AGL: variants seen among roughly 807,000 people sequenced by gnomAD.
AGL encodes the protein amylo-alpha-1,6-glucosidase and 4-alpha-glucanotransferase.
In AGL, 128 loss-of-function variants were observed where a neutral mutation model predicts 199.3. The observed-to-expected ratio is 0.64, with a 90% CI of 0.56 to 0.74. The LOEUF is 0.74. AGL is among the 30% of genes least tolerant of loss of function. The probability of loss-of-function intolerance (pLI) is 0.00; values close to 1 mark genes in which losing one functional copy is unlikely to be tolerated. For synonymous variants in AGL, 584 were observed against 594.7 expected, an observed-to-expected ratio of 0.98 and a Z score of 0.26; for missense variants, 1,809 against 1,820.8, an observed-to-expected ratio of 0.99 and a Z score of 0.12.
At chr1:99,908,549 C>G (rs1410665421) in intron 27 of AGL, among the ~76,000 whole-genome samples, 1 of 152,196 alleles carries the variant, frequency 6.6e-6, no homozygotes, top group Non-Finnish European at 1.5e-5. Flanking sequence ...TACAAAGCAT[C>G]ATTCTCTTTG....
chr1:99,906,718 T>C (rs1293426962), intron 27 of AGL, among the ~76,000 whole-genome samples: 1 of 152,220 alleles, frequency 6.6e-6, no homozygotes, highest in Non-Finnish European at 1.5e-5. Flanking sequence ...ATTCCCTTCT[T>C]TTTCAAGGCT....
chr1:99,913,062 A>G (rs1177938169), intron 29 of AGL, among the ~76,000 whole-genome samples: 1 of 152,102 alleles, frequency 6.6e-6, no homozygotes, highest in Non-Finnish European at 1.5e-5. Context: ...TCTACAAGAA[A>G]TACAAAAATT....
chr1:99,899,267 T>C (rs1284714067), intron 25 of AGL, among the ~76,000 whole-genome samples: 2 of 152,198 alleles, frequency 1.3e-5, no homozygotes, highest in African/African-American at 4.8e-5. Context: ...CAAAAAGCAG[T>C]AAGACCTAGA....
At chr1:99,889,170 A>G (rs1051939019) in intron 21 of AGL, among the ~76,000 whole-genome samples, 1 of 152,226 alleles carries the variant, frequency 6.6e-6, no homozygotes, top group Admixed American at 6.5e-5. Flanking sequence ...ATTAGACGAC[A>G]CCTAATTCAT....
In AGL at chr1:99,876,547, A is replaced by G; in HGVS notation, c.1373A>G (p.His458Arg). The change falls in exon 11 of 34, where the codon CAC becomes CGC. Residue 458 changes from histidine to arginine, a missense_variant. His to Arg is a conservative substitution (Grantham distance 29). Transcript: ENST00000361915. The part of the protein sequence containing the change: ...LPNKACFLMA[H>R]NGWVMGDDPL... ...AATAAAGCTTGTTTTCTGATGGCAC[A>G]CAATGGATGGGTAATGGGAGATGAT... 1 of 1,614,088 alleles carries G rather than the reference A, an allele frequency of 6.2e-7. No individual in the cohort carries two copies. Among genetic ancestry groups the G allele is most frequent in the South Asian group, 1.1e-5 (1 of 91,086 alleles).
At chr1:99,898,527 T>C (rs1365565267) in intron 25 of AGL, among the ~76,000 whole-genome samples, 1 of 152,130 alleles carries the variant, frequency 6.6e-6, no homozygotes, top group African/African-American at 2.4e-5. Context: ...AGAGGGTATT[T>C]GTTAGGGTAG....
In AGL at chr1:99,875,169, A is replaced by C. The variant is rs1651406231; in HGVS notation, c.1098A>C (p.Ala366=). Residue 366 remains alanine (A), a synonymous_variant, in exon 9 of 34, where the codon GCA becomes GCC. Coordinates refer to ENST00000361915, the MANE Select transcript of AGL (RefSeq NM_000642.3). ...TCTGCTCTAGCAAGGGGCCAGCAGC[A>C]ATTGAAGAATGCTGTAATTGGTTTC... ...TFIPHDKGPA[A]IEECCNWFHK... 1 of 1,613,964 alleles carries C rather than the reference A, an allele frequency of 6.2e-7. No homozygotes were observed. The highest frequency in any genetic ancestry group is 1.1e-5 in the South Asian group (1 of 91,080).
chr1:99,898,201 C>T (rs1653492667), intron 25 of AGL, among the ~76,000 whole-genome samples: 1 of 152,098 alleles, frequency 6.6e-6, no homozygotes, highest in Non-Finnish European at 1.5e-5. Flanking sequence ...CGCCCGCCAC[C>T]ACACCCGGCT....
intron 33 of AGL, among the ~76,000 whole-genome samples, chr1:99,920,975 G>A (rs1367415917): frequency 6.6e-6 from 1 of 152,086 alleles, no homozygotes; most frequent in African/African-American, 2.4e-5. Context: ...CTTCCTTACA[G>A]GGTTACTGTG....
rs941031901 is a variant in AGL, at chr1:99,900,955, T to G, written c.3588+94T>G. On this transcript the variant is annotated intron_variant, in intron 26 of 33. Coordinates refer to ENST00000361915, the MANE Select transcript of AGL (RefSeq NM_000642.3). ...ATGTAAAAATAAGGGTAATTAAGAA[T>G]CCAAATCTTACGAATTATTCAAATG... The G allele has an allele frequency of 2.2e-5, 25 of 1,149,294 alleles. No homozygotes were observed. In the Middle Eastern group the frequency reaches 1.2e-3, roughly 55 times the overall value. 71.2% of individuals were successfully genotyped at this position (1,149,294 alleles called of 1,614,324 possible).
intron 8 of AGL, among the ~76,000 whole-genome samples, 159 bp downstream of exon 8, chr1:99,874,969 T>G (rs1463130811): frequency 6.6e-6 from 1 of 152,226 alleles, no homozygotes; most frequent in Non-Finnish European, 1.5e-5. Context: ...TTCCCACTTT[T>G]TCTGTGTGTG....
In AGL at chr1:99,876,561, A is replaced by T. The variant is rs1557759698; in HGVS notation, c.1387A>T (p.Met463Leu). 1 of 1,614,064 alleles carries T rather than the reference A, an allele frequency of 6.2e-7. No individual in the cohort carries two copies. Among genetic ancestry groups the T allele is most frequent in the Non-Finnish European group, 8.5e-7 (1 of 1,179,972 alleles). ...TCTGATGGCACACAATGGATGGGTA[A>T]TGGGAGATGATCCTCTTCGAAACTT... The part of the protein sequence containing the change: ...CFLMAHNGWV[M>L]GDDPLRNFAE... Residue 463 changes from methionine to leucine, a missense_variant, in exon 11 of 34, where the codon ATG becomes TTG. By Grantham distance (15) the Met-to-Leu change is conservative. Transcript: ENST00000361915.
At chr1:99,891,481 A>T in intron 22 of AGL, 125 bp downstream of exon 22, 1 of 1,512,912 alleles carries the variant, frequency 6.6e-7, no homozygotes, top group Admixed American at 1.7e-5. Flanking sequence ...ATCATCTTTC[A>T]GTTATAATAA....
chr1:99,880,192 TAACTCA>T, intron 13 of AGL, 146 bp downstream of exon 13: 1 of 1,272,658 alleles, frequency 7.9e-7, no homozygotes, highest in South Asian at 1.3e-5. Context: ...TATTCTAATA[TAACTCA>T]GTCTATTTTT....
intron 23 of AGL, 67 bp downstream of exon 23, chr1:99,891,806 A>G: frequency 6.3e-7 from 1 of 1,588,234 alleles, no homozygotes; most frequent in South Asian, 1.1e-5. Flanking sequence ...GTCACTTCAT[A>G]CATGTTCTTA....
rs1650908767 is a variant in AGL, at chr1:99,870,592, A to G, written c.846+11A>G. On this transcript the variant is annotated intron_variant, in intron 6 of 33. Coordinates refer to ENST00000361915, the MANE Select transcript of AGL (RefSeq NM_000642.3). ...GATCACCATATGAATGTCAGTATGTACAGAGGAGTATCACACTAAAACAGA... is the reference window on the plus strand; with the variant it reads ...GATCACCATATGAATGTCAGTATGTGCAGAGGAGTATCACACTAAAACAGA... 5 of 1,613,778 alleles carry G rather than the reference A, an allele frequency of 3.1e-6. No homozygotes were observed. Among genetic ancestry groups the G allele is most frequent in the South Asian group, 1.1e-5 (1 of 91,068 alleles).
chr1:99,916,529 T>A lies in AGL; in HGVS notation c.4347+32T>A, dbSNP rs531183447. On this transcript the variant is annotated intron_variant, in intron 32 of 33. Transcript: ENST00000361915. ...ATTTCATTTATCTTCTGAGTTTCAG[T>A]TTAAATTATTTTTCAAGTAATTTTT... The A allele has an allele frequency of 5.0e-5, 81 of 1,605,826 alleles. No homozygotes were observed. The South Asian group carries it at 7.4e-4, about 15-fold the overall frequency.
intron 2 of AGL, among the ~76,000 whole-genome samples, chr1:99,852,294 G>C (rs1283463524): frequency 1.3e-5 from 2 of 150,368 alleles, no homozygotes; most frequent in African/African-American, 4.9e-5. Context: ...AATTCTCCTG[G>C]CTCTGCTGCT....
At chr1:99,908,435 T>C (rs948903719) in intron 27 of AGL, among the ~76,000 whole-genome samples, 8 of 152,320 alleles carry the variant, frequency 5.3e-5, no homozygotes, top group Admixed American at 3.3e-4. Flanking sequence ...AGTTTTGAAA[T>C]GAGGAAGCAT....
Sources: allele counts gnomAD v4.1 joint callset (sites outside exome capture counted in the v4.1 genomes callset), GRCh38; gene constraint gnomAD v4.1.1; transcripts MANE v1.5; gene names NCBI Gene and HGNC (gene_info 2026-07-23, HGNC 2026-07-21).